The following SRFBP1 variants were observed in gnomAD, a reference collection of about 807,000 sequenced individuals.
SRFBP1 encodes serum response factor binding protein 1.
A neutral mutation model predicts 45.5 loss-of-function variants in SRFBP1; 47 were observed. The observed-to-expected ratio is 1.03, with a 90% confidence interval of 0.82 to 1.32. The LOEUF is 1.32. Among genes scored for constraint, SRFBP1 ranks in the 40% most tolerant of loss-of-function variants. SRFBP1 has a pLI of 0.00. For missense variants in SRFBP1, 621 were observed against 484.6 expected, an observed-to-expected ratio of 1.28 and a Z score of -2.64; for synonymous variants, 203 against 166.3, an observed-to-expected ratio of 1.22 and a Z score of -1.70.
At chr5:122,060,259 A>G (rs1469448044) in intron 2 of SRFBP1, among the ~76,000 whole-genome samples, 1 of 152,014 alleles carries the variant, frequency 6.6e-6, no homozygotes, top group Non-Finnish European at 1.5e-5. Context: ...CCTGGAAGGA[A>G]ATATTTTGAG....
chr5:122,056,129 C>G (rs537525218), intron 2 of SRFBP1, among the ~76,000 whole-genome samples: 1 of 152,308 alleles, frequency 6.6e-6, no homozygotes, highest in African/African-American at 2.4e-5. Flanking sequence ...CATTCTCCCT[C>G]TCTCATTTGA....
intron 4 of SRFBP1, among the ~76,000 whole-genome samples, chr5:122,003,342 C>G (rs1440102552): frequency 7.7e-6 from 1 of 130,172 alleles, no homozygotes; most frequent in African/African-American, 3.2e-5. Context: ...GACCCTGTCT[C>G]AGAGAAAAAA....
At position 121,993,387 on chromosome 5, in the gene SRFBP1, A is replaced by G. The variant is rs570773636; in HGVS notation, c.199-1212A>G. ...CTAGAAGATTCTGATGGTCTTGTTT[A>G]AATTGTCCTATGACATCATCACAAA... On this transcript the variant is annotated intron_variant, in intron 3 of 7. Transcript: ENST00000339397. Among the ~76,000 whole-genome samples, 6 of 152,312 alleles carry G rather than the reference A, an allele frequency of 3.9e-5. No homozygotes were observed. In the East Asian group the frequency reaches 1.2e-3, roughly 29 times the overall value.
Position 122,027,150 on chromosome 5 carries a change from T to G in SRFBP1, c.*24T>G, listed in dbSNP as rs202198019. On this transcript the variant is annotated 3_prime_UTR_variant, in exon 8 of 8. Coordinates refer to ENST00000339397, the MANE Select transcript of SRFBP1 (RefSeq NM_152546.3). ...GATTAGTGCCTCTTTCTGCAAACTT[T>G]TCCATCTAAAAAAAAAAATGTTTTT... 8.3e-4 allele frequency: 1,311 copies of G among 1,574,668 alleles called. No homozygotes were observed. Among genetic ancestry groups the G allele is most frequent in the Non-Finnish European group, 1.1e-3 (1,239 of 1,162,180 alleles).
At chr5:122,060,312 C>T (rs773732307) in intron 2 of SRFBP1, among the ~76,000 whole-genome samples, 9 of 151,880 alleles carry the variant, frequency 5.9e-5, no homozygotes, top group East Asian at 1.9e-4. Context: ...TTTTGCTGGA[C>T]GTAAACATGG....
chr5:122,076,022 A>G (rs1050606359), downstream of SRFBP1: 1 of 152,300 alleles, frequency 6.6e-6, no homozygotes, highest in African/African-American at 2.4e-5. Context: ...GCATACCCAG[A>G]TTTAAATTAA....
intron 2 of SRFBP1, among the ~76,000 whole-genome samples, chr5:122,067,476 T>C (rs1195829119): frequency 6.6e-6 from 1 of 152,108 alleles, no homozygotes; most frequent in African/African-American, 2.4e-5. Context: ...CTCTTAAATA[T>C]CTGGCAGGAA....
At chr5:121,975,881 T>G (rs1234463783) in intron 3 of SRFBP1, among the ~76,000 whole-genome samples, 2 of 145,112 alleles carry the variant, frequency 1.4e-5, no homozygotes, top group Admixed American at 6.9e-5. Flanking sequence ...CATATTTTTG[T>G]TTTTTTTTTC....
chr5:121,979,707 G>A (rs1752369262), intron 3 of SRFBP1, among the ~76,000 whole-genome samples: 2 of 152,100 alleles, frequency 1.3e-5, no homozygotes, highest in Admixed American at 1.3e-4. Flanking sequence ...AGAGAGATCT[G>A]GGACACTATG....
intron 1 of SRFBP1, among the ~76,000 whole-genome samples, chr5:121,971,826 AAG>A (rs1271655486): frequency 2.6e-5 from 4 of 152,038 alleles, no homozygotes; most frequent in African/African-American, 9.6e-5. Flanking sequence ...AGAATGTTTG[AAG>A]AAAGAGAAAG....
At chr5:122,073,945 C>T in intron 2 of SRFBP1, 1 of 1,418,088 alleles carries the variant, frequency 7.1e-7, no homozygotes, top group Non-Finnish European at 9.8e-7. Flanking sequence ...CTATTTAATG[C>T]TAACTAACGG....
chr5:121,967,288 G>T (rs899773850), intron 1 of SRFBP1, among the ~76,000 whole-genome samples: 1 of 152,138 alleles, frequency 6.6e-6, no homozygotes, highest in Non-Finnish European at 1.5e-5. Flanking sequence ...TCGTGATTAG[G>T]TGCATAGTAC....
intron 3 of SRFBP1, among the ~76,000 whole-genome samples, chr5:121,990,823 T>C (rs759957307): frequency 6.6e-6 from 1 of 152,196 alleles, no homozygotes; most frequent in Non-Finnish European, 1.5e-5. Flanking sequence ...ACTACATGTC[T>C]TATTGCCTGA....
At position 121,962,813 on chromosome 5, in the gene SRFBP1, T is replaced by G. The variant is rs142186187; in HGVS notation, c.36+745T>G. Among the ~76,000 whole-genome samples the G allele has an allele frequency of 2.8e-3, 428 of 152,230 alleles. 2 individuals carry two copies. The highest frequency in any genetic ancestry group is 4.4e-3 in the Non-Finnish European group (296 of 67,994). ...GTAAGCTGGAAACATAAGGATCGAG[T>G]AAGGACCTCACAGTTAGATACAGAA... On this transcript the variant is annotated intron_variant, in intron 1 of 7. Coordinates refer to ENST00000339397, the MANE Select transcript of SRFBP1 (RefSeq NM_152546.3).
chr5:121,997,741 G>A (rs1454124820), intron 4 of SRFBP1, among the ~76,000 whole-genome samples: 1 of 151,722 alleles, frequency 6.6e-6, no homozygotes, highest in Non-Finnish European at 1.5e-5. Flanking sequence ...CTGCAAAATG[G>A]GAGAAAATTT....
At chr5:122,029,803 T>C (rs1018920173), downstream of SRFBP1, among the ~76,000 whole-genome samples, 5 of 152,232 alleles carry the variant, frequency 3.3e-5, no homozygotes, top group African/African-American at 1.2e-4. Flanking sequence ...AGTTGTTTAA[T>C]ATAGAAGGGC....
chr5:122,008,701 T>C (rs1753026980), intron 4 of SRFBP1, among the ~76,000 whole-genome samples: 1 of 152,026 alleles, frequency 6.6e-6, no homozygotes, highest in Admixed American at 6.5e-5. Context: ...TTGATGTTTC[T>C]GTGCAGGTAT....
chr5:122,076,770 T>A (rs1754648828), downstream of SRFBP1: 7 of 764,406 alleles, frequency 9.2e-6, no homozygotes, highest in Non-Finnish European at 1.5e-5. Flanking sequence ...CACGTCCCAC[T>A]TCCCAGCTCT....
At chr5:122,043,483 T>G (rs1222862197) in intron 2 of SRFBP1, among the ~76,000 whole-genome samples, 1 of 152,204 alleles carries the variant, frequency 6.6e-6, no homozygotes, top group African/African-American at 2.4e-5. Context: ...CCCAAAGTGC[T>G]AGGATTACAG....
Sources: allele counts gnomAD v4.1 joint callset (sites outside exome capture counted in the v4.1 genomes callset), GRCh38; gene constraint gnomAD v4.1.1; transcripts MANE v1.5; gene names NCBI Gene and HGNC (gene_info 2026-07-23, HGNC 2026-07-21).